THSD7A: variants seen among roughly 807,000 people sequenced by gnomAD.
The protein encoded by THSD7A is thrombospondin type-1 domain-containing protein 7A.
A neutral mutation model predicts 231.3 loss-of-function variants in THSD7A; 96 were observed. The observed-to-expected ratio is 0.41, with a 90% CI of 0.35 to 0.49. THSD7A has a LOEUF of 0.49. Ranked by LOEUF, THSD7A falls within the 20% of genes least tolerant of loss-of-function variation. THSD7A has a pLI of 0.05. For missense variants in THSD7A, 2,290 were observed against 2,070.2 expected (o/e 1.11, Z -2.06); for synonymous variants, 940 against 743.3 (o/e 1.26, Z -4.30).
At chr7:11,810,342 A>G (rs1784498873) in intron 1 of THSD7A, among the ~76,000 whole-genome samples, 1 of 152,122 alleles carries the variant, frequency 6.6e-6, no homozygotes, top group South Asian at 2.1e-4. Context: ...ACAAATGTAA[A>G]TATCAGGCTT....
At chr7:11,621,915 C>T (rs954288486) in intron 2 of THSD7A, among the ~76,000 whole-genome samples, 1 of 152,012 alleles carries the variant, frequency 6.6e-6, no homozygotes, top group Non-Finnish European at 1.5e-5. Context: ...AACTAATTTT[C>T]AAATATGTTT....
intron 1 of THSD7A, among the ~76,000 whole-genome samples, chr7:11,774,038 C>G (rs933919089): frequency 6.6e-6 from 1 of 152,090 alleles, no homozygotes; most frequent in Non-Finnish European, 1.5e-5. Context: ...ATTACCCAAA[C>G]AGTAATAATC....
intron 1 of THSD7A, among the ~76,000 whole-genome samples, chr7:11,799,171 T>C (rs1784210713): frequency 6.6e-6 from 1 of 152,154 alleles, no homozygotes; most frequent in African/African-American, 2.4e-5. Context: ...TCCACCCGCC[T>C]TGGCCTCTCA....
chr7:11,563,900 T>C (rs1390452802), intron 4 of THSD7A, among the ~76,000 whole-genome samples: 1 of 152,150 alleles, frequency 6.6e-6, no homozygotes, highest in African/African-American at 2.4e-5. Context: ...GCTTGGATAA[T>C]CTCTTGAATT....
chr7:11,636,479 G>C lies in THSD7A; in HGVS notation c.673C>G (p.Pro225Ala). 6.2e-7 allele frequency: 1 copy of C among 1,613,714 alleles called. No homozygotes were observed. Among genetic ancestry groups the C allele is most frequent in the African/African-American group, 1.3e-5 (1 of 75,026 alleles). ...GGACAGCCAGAGCCTCCGAACTGCGGGGGCGCCACCACATGACGCGTCCGG... is the reference window on the plus strand; with the variant it reads ...GGACAGCCAGAGCCTCCGAACTGCGCGGGCGCCACCACATGACGCGTCCGG... ...QHRTRHVVAP[P>A]QFGGSGCPNL... Residue 225 changes from proline to alanine, a missense_variant, in exon 2 of 28, where the codon CCG (proline) becomes GCG (alanine). By Grantham distance (27) the Pro-to-Ala change is conservative (BLOSUM62 -1). Coordinates refer to ENST00000423059, the MANE Select transcript of THSD7A (RefSeq NM_015204.3). This position sits in a 1 kb window ranked among gnomAD's most constrained non-coding sequence, Gnocchi z 10.0.
intron 1 of THSD7A, among the ~76,000 whole-genome samples, chr7:11,798,593 T>C (rs1252410395): frequency 6.6e-6 from 1 of 152,144 alleles, no homozygotes; most frequent in African/African-American, 2.4e-5. Flanking sequence ...GTCACTATTA[T>C]TTAGGTGATT....
rs555848690 is a variant in THSD7A at position 11,805,395 on chromosome 7, T to G, written c.190+26362A>C. ...TAGTTGTGGCTGTAATTCTATATCT[T>G]GTTAATGTAATGTTCTCAGACAAAA... On this transcript the variant is annotated intron_variant, in intron 1 of 27. Coordinates refer to ENST00000423059, the MANE Select transcript of THSD7A (RefSeq NM_015204.3). Among the ~76,000 whole-genome samples the G allele has an allele frequency of 2.0e-5, 3 of 152,214 alleles. No individual in the cohort carries two copies. The South Asian group carries it at 6.2e-4, about 32-fold the overall frequency.
At chr7:11,796,037 T>C (rs1784113956) in intron 1 of THSD7A, among the ~76,000 whole-genome samples, 2 of 16,794 alleles carry the variant, frequency 1.2e-4, no homozygotes, top group Admixed American at 4.9e-4. Flanking sequence ...ATTAGCCATA[T>C]ATATATATAT....
chr7:11,605,119 A>T (rs1037909088), intron 2 of THSD7A, among the ~76,000 whole-genome samples: 2 of 152,064 alleles, frequency 1.3e-5, no homozygotes, highest in Non-Finnish European at 2.9e-5. Context: ...ATGTTTGAAA[A>T]TGCTTTACTT....
At chr7:11,419,371 G>A (rs919105335) in intron 16 of THSD7A, among the ~76,000 whole-genome samples, 10 of 151,958 alleles carry the variant, frequency 6.6e-5, no homozygotes, top group African/African-American at 1.7e-4. Context: ...AAAAGTGTGC[G>A]GCACTTCCCC....
intron 6 of THSD7A, among the ~76,000 whole-genome samples, chr7:11,540,803 G>C (rs1257127041): frequency 6.6e-6 from 1 of 152,134 alleles, no homozygotes; most frequent in Non-Finnish European, 1.5e-5. Flanking sequence ...AAAAGTCCAA[G>C]GTAATTCCTG....
intron 11 of THSD7A, among the ~76,000 whole-genome samples, chr7:11,452,550 A>G (rs1240249798): frequency 6.6e-6 from 1 of 152,044 alleles, no homozygotes; most frequent in African/African-American, 2.4e-5. Context: ...TGAGAATACT[A>G]GGATGAGAAC....
chr7:11,465,838 T>G (rs1057416447), intron 9 of THSD7A, among the ~76,000 whole-genome samples: 1 of 152,162 alleles, frequency 6.6e-6, no homozygotes, highest in African/African-American at 2.4e-5. Flanking sequence ...TCAAAAGTAT[T>G]GATTTTTTAA....
At chr7:11,765,564 G>A (rs1783006248) in intron 1 of THSD7A, among the ~76,000 whole-genome samples, 1 of 152,148 alleles carries the variant, frequency 6.6e-6, no homozygotes, top group African/African-American at 2.4e-5. Flanking sequence ...ATAATTTGTA[G>A]AGAAAAAACT....
intron 23 of THSD7A, among the ~76,000 whole-genome samples, chr7:11,388,041 G>C (rs539772903): frequency 3.5e-4 from 53 of 152,284 alleles, no homozygotes; most frequent in African/African-American, 1.1e-3. Flanking sequence ...TTGCATCCCA[G>C]GGATGAAGCC....
At chr7:11,806,785 TAC>T (rs1784409508) in intron 1 of THSD7A, among the ~76,000 whole-genome samples, 1 of 152,082 alleles carries the variant, frequency 6.6e-6, no homozygotes, top group Non-Finnish European at 1.5e-5. Flanking sequence ...AGGTGCCCAG[TAC>T]ACAGTTAAGA....
intron 1 of THSD7A, among the ~76,000 whole-genome samples, chr7:11,746,827 G>C (rs6460839): frequency 0.24 from 36,403 of 151,674 alleles, 6,728 homozygotes; most frequent in African/African-American, 0.52. Flanking sequence ...GCGTTAAACT[G>C]TACCTCCTGG....
intron 1 of THSD7A, among the ~76,000 whole-genome samples, chr7:11,806,540 G>A (rs529081857): frequency 6.6e-6 from 1 of 152,006 alleles, no homozygotes; most frequent in Non-Finnish European, 1.5e-5. Flanking sequence ...GAGTATTTCA[G>A]GCAATGCTGC....
At chr7:11,794,564 C>A (rs1784061556) in intron 1 of THSD7A, among the ~76,000 whole-genome samples, 1 of 151,948 alleles carries the variant, frequency 6.6e-6, no homozygotes, top group Non-Finnish European at 1.5e-5. Context: ...CAATCTCTTA[C>A]TAATCCACAG....
Sources: gnomAD v4.1 joint callset for allele counts (sites outside exome capture counted in the v4.1 genomes callset) on GRCh38, gnomAD v4.1.1 for gene constraint, Gnocchi (gnomAD v3.1) non-coding constraint, MANE v1.5 for transcripts, NCBI Gene and HGNC (gene_info 2026-07-23, HGNC 2026-07-21) for gene names.